Variants in ACER2 observed in about 807,000 individuals in gnomAD.
ACER2 encodes alkCDase 2.
ACER2 carries 26 observed loss-of-function variants against 34.7 expected under a neutral mutation model. That is an observed-to-expected ratio of 0.75 (90% confidence interval 0.55 to 1.04). The LOEUF is 1.04. Among genes scored for constraint, ACER2 ranks in the 50% least tolerant of loss-of-function variants. The pLI is 0.00. For synonymous variants in ACER2, 138 were observed against 132.1 expected (o/e 1.04, Z -0.31); for missense variants, 352 against 340.8 (o/e 1.03, Z -0.26).
chr9:19,428,387 C>T (rs1311393633), intron 3 of ACER2, among the ~76,000 whole-genome samples: 5 of 151,968 alleles, frequency 3.3e-5, no homozygotes, highest in African/African-American at 7.3e-5. Flanking sequence ...AGGCTGGTCT[C>T]GAACTCCTCA....
At chr9:19,434,159 C>T (rs953603105) in intron 3 of ACER2, among the ~76,000 whole-genome samples, 1 of 150,904 alleles carries the variant, frequency 6.6e-6, no homozygotes, top group Admixed American at 6.6e-5. Flanking sequence ...AGGCGCTCCC[C>T]ACATCCCAGA....
At chr9:19,418,799 A>T (rs949420070) in intron 1 of ACER2, among the ~76,000 whole-genome samples, 7 of 152,194 alleles carry the variant, frequency 4.6e-5, no homozygotes, top group African/African-American at 1.7e-4. Flanking sequence ...GCTATGTAAC[A>T]AACCTGCACG....
intron 3 of ACER2, among the ~76,000 whole-genome samples, chr9:19,432,603 A>T (rs913546028): frequency 6.7e-6 from 1 of 148,548 alleles, no homozygotes; most frequent in Admixed American, 6.7e-5. Context: ...ATTAAATATA[A>T]TTTTTATTTA....
intron 1 of ACER2, among the ~76,000 whole-genome samples, chr9:19,416,185 A>G (rs1017297250): frequency 4.6e-5 from 7 of 151,628 alleles, no homozygotes; most frequent in African/African-American, 7.3e-5. Context: ...ATCCGCCTTC[A>G]TCTGCTCCTT....
intron 4 of ACER2, among the ~76,000 whole-genome samples, chr9:19,439,410 G>C (rs62563722): frequency 6.7e-6 from 1 of 150,306 alleles, no homozygotes; most frequent in Non-Finnish European, 1.5e-5. Context: ...GCAAGATCTC[G>C]GCTCACTGTA....
chr9:19,450,693 T>A lies in ACER2; in HGVS notation c.*57T>A, dbSNP rs1322523248. On this transcript the variant is annotated 3_prime_UTR_variant, in exon 6 of 6. Transcript: ENST00000340967. ...CGCCCCTCATGCAGTGGGCTTCCTT[T>A]GCTAGGAAGACAGCCAAGGGAGTTC... is the stretch of plus-strand genomic sequence containing the variant. 10 of 1,455,850 alleles carry A rather than the reference T, an allele frequency of 6.9e-6. No individual in the cohort carries two copies. The highest frequency in any genetic ancestry group is 9.3e-6 in the Non-Finnish European group (10 of 1,078,834). The allele number at this position is 1,455,850 out of a possible 1,614,324, so 90.2% of individuals were successfully genotyped here.
rs571172692 is a variant in ACER2 at position 19,433,998 on chromosome 9, C to T, written c.366-949C>T. 4.4e-3 allele frequency among the ~76,000 whole-genome samples: 613 copies of T among 140,116 alleles called. 1 individual carries two copies. The highest frequency in any genetic ancestry group is 7.6e-3 in the Non-Finnish European group (491 of 64,474). The allele number at this position is 140,116 out of a possible 152,430, so 91.9% of individuals were successfully genotyped here. A position where few individuals can be genotyped will look rare whatever the true frequency, so the allele number is the denominator to read the frequency against. On this transcript the variant is annotated intron_variant, in intron 3 of 5. Transcript: ENST00000340967. ...GGACGGGGTGGCTGCCGGGCGGAGA[C>T]GCTCCTCACTTCTCAGACGGGGCGG...
intron 1 of ACER2, among the ~76,000 whole-genome samples, chr9:19,411,879 C>T (rs926673082): frequency 2.6e-5 from 4 of 152,138 alleles, no homozygotes; most frequent in Non-Finnish European, 1.5e-5. Context: ...TGTTGAAGCT[C>T]TGCTGGGTAC....
intron 5 of ACER2, among the ~76,000 whole-genome samples, chr9:19,447,123 C>T (rs1389012566): frequency 1.3e-5 from 2 of 152,140 alleles, no homozygotes; most frequent in Admixed American, 1.3e-4. Flanking sequence ...CTGCTTCAGC[C>T]TCAAACCCAG....
chr9:19,424,887 C>A (rs372796335), intron 3 of ACER2, 46 bp downstream of exon 3: 15 of 1,606,852 alleles, frequency 9.3e-6, no homozygotes, highest in African/African-American at 1.3e-5. Flanking sequence ...AGGTGCAGTA[C>A]CCAATATAAC....
intron 3 of ACER2, among the ~76,000 whole-genome samples, chr9:19,430,444 G>A (rs1830717248): frequency 6.6e-6 from 1 of 152,114 alleles, no homozygotes; most frequent in Non-Finnish European, 1.5e-5. Context: ...CACCCTGTTG[G>A]GGCCTCTTAC....
intron 4 of ACER2, among the ~76,000 whole-genome samples, chr9:19,441,298 C>T (rs775311140): frequency 7.2e-5 from 11 of 152,124 alleles, no homozygotes; most frequent in Admixed American, 3.3e-4. Flanking sequence ...ATCTGCCCTC[C>T]TTGGCCTCCC....
At chr9:19,416,830 C>T (rs1282749415) in intron 1 of ACER2, among the ~76,000 whole-genome samples, 6 of 151,968 alleles carry the variant, frequency 3.9e-5, no homozygotes, top group African/African-American at 1.2e-4. Flanking sequence ...ACCCGTGCCC[C>T]GCCTAAGGGA....
At chr9:19,446,926 T>C (rs948629360) in intron 5 of ACER2, among the ~76,000 whole-genome samples, 5 of 152,166 alleles carry the variant, frequency 3.3e-5, no homozygotes, top group Non-Finnish European at 7.3e-5. Context: ...TAAAGTGAAT[T>C]GTTTAATGTC....
intron 4 of ACER2, among the ~76,000 whole-genome samples, chr9:19,435,776 G>T (rs138532446): frequency 6.6e-6 from 1 of 151,892 alleles, no homozygotes; most frequent in Admixed American, 6.6e-5. Flanking sequence ...AAAGCCGGGC[G>T]CAGTGGCTCA....
chr9:19,412,147 G>A (rs1178618942), intron 1 of ACER2, among the ~76,000 whole-genome samples: 1 of 152,080 alleles, frequency 6.6e-6, no homozygotes, highest in Non-Finnish European at 1.5e-5. Context: ...CCTGTCTTGG[G>A]ATCATTTTAT....
rs529397763 is a variant in ACER2, at chr9:19,445,361, C to T, written c.504-920C>T. 5.3e-5 allele frequency among the ~76,000 whole-genome samples: 8 copies of T among 152,284 alleles called. No individual in the cohort carries two copies. In the East Asian group the frequency reaches 1.4e-3, roughly 26 times the overall value. ...TGGCACATTTCCAGGTGCTGGGATA[C>T]AGCAGTAAACAGATTCCATGTCAGT... is the stretch of plus-strand genomic sequence containing the variant. On this transcript the variant is annotated intron_variant, in intron 4 of 5. Coordinates refer to ENST00000340967, the MANE Select transcript of ACER2 (RefSeq NM_001010887.3).
chr9:19,420,749 G>A (rs893214931), intron 1 of ACER2, among the ~76,000 whole-genome samples: 2 of 152,138 alleles, frequency 1.3e-5, no homozygotes, highest in Non-Finnish European at 2.9e-5. Flanking sequence ...AGGCTGGAAG[G>A]TCCAAGATCA....
intron 4 of ACER2, among the ~76,000 whole-genome samples, chr9:19,435,405 TCA>T (rs200951539): frequency 2.5e-3 from 385 of 152,278 alleles, no homozygotes; most frequent in African/African-American, 8.8e-3. Context: ...GTTATCGCAT[TCA>T]CACACAGAAG....
Sources: allele counts gnomAD v4.1 joint callset (sites outside exome capture counted in the v4.1 genomes callset), GRCh38; gene constraint gnomAD v4.1.1; transcripts MANE v1.5; gene names NCBI Gene and HGNC (gene_info 2026-07-23, HGNC 2026-07-21).